Variants in CHST8 observed in about 807,000 individuals in gnomAD.
The protein encoded by CHST8 is GALNAC-4-ST1.
CHST8 carries 10 observed loss-of-function variants against 15.0 expected under a neutral mutation model. The ratio of observed to expected loss-of-function variants is 0.67; its 90% CI spans 0.41 to 1.13. The LOEUF (loss-of-function observed/expected upper bound fraction) is 1.13. Ranked by LOEUF, CHST8 falls within the 50% of genes most tolerant of loss-of-function variation. CHST8 has a pLI of 0.00. For synonymous variants in CHST8, 259 were observed against 256.6 expected (o/e 1.01, Z -0.09); for missense variants, 634 against 608.2 (o/e 1.04, Z -0.45).
At chr19:33,623,650 C>T (rs1034532096) in intron 1 of CHST8, among the ~76,000 whole-genome samples, 3 of 152,184 alleles carry the variant, frequency 2.0e-5, no homozygotes, top group African/African-American at 7.2e-5. Flanking sequence ...GAAGTCTTTC[C>T]CTAAGTCCTG....
At chr19:33,653,117 T>G (rs543143659) in intron 1 of CHST8, among the ~76,000 whole-genome samples, 4 of 152,314 alleles carry the variant, frequency 2.6e-5, no homozygotes, top group East Asian at 1.9e-4. Context: ...CTACTCTTTT[T>G]TGTGTGTGTG....
intron 3 of CHST8, among the ~76,000 whole-genome samples, chr19:33,722,319 A>G (rs1364085847): frequency 2.0e-5 from 3 of 146,948 alleles, no homozygotes; most frequent in South Asian, 4.5e-4. Flanking sequence ...GGGTGGGTGC[A>G]TGGGCAGATG....
At chr19:33,766,888 C>T (rs926347368) in intron 3 of CHST8, among the ~76,000 whole-genome samples, 7 of 152,238 alleles carry the variant, frequency 4.6e-5, no homozygotes, top group African/African-American at 1.2e-4. Context: ...CACATGGAAA[C>T]GCGGCCACAC....
intron 1 of CHST8, among the ~76,000 whole-genome samples, chr19:33,643,495 G>A (rs1262504593): frequency 6.6e-6 from 1 of 152,174 alleles, no homozygotes; most frequent in African/African-American, 2.4e-5. Context: ...CTGCAGTTCT[G>A]CCTCCATATT....
At chr19:33,699,997 C>G (rs893576699) in intron 3 of CHST8, among the ~76,000 whole-genome samples, 2 of 152,236 alleles carry the variant, frequency 1.3e-5, no homozygotes, top group Non-Finnish European at 2.9e-5. Context: ...CCTACCTGCT[C>G]TCTCTGAGCA....
At chr19:33,684,013 T>C (rs1464903534) in intron 2 of CHST8, among the ~76,000 whole-genome samples, 1 of 152,152 alleles carries the variant, frequency 6.6e-6, no homozygotes, top group East Asian at 1.9e-4. Flanking sequence ...TGGGCAGAGA[T>C]AGTGTCCAGG....
At chr19:33,673,609 G>A (rs536637667) in intron 2 of CHST8, among the ~76,000 whole-genome samples, 2 of 152,200 alleles carry the variant, frequency 1.3e-5, no homozygotes, top group East Asian at 1.9e-4. Flanking sequence ...TGTGGAAGGG[G>A]TTGAAGGGTC....
At chr19:33,740,513 C>T (rs187665287) in intron 3 of CHST8, among the ~76,000 whole-genome samples, 26 of 152,306 alleles carry the variant, frequency 1.7e-4, no homozygotes, top group Admixed American at 1.7e-3. Flanking sequence ...CAATAGCTTT[C>T]CCAGGGAAAG....
At chr19:33,714,319 C>T (rs1599576836) in intron 3 of CHST8, among the ~76,000 whole-genome samples, 1 of 150,632 alleles carries the variant, frequency 6.6e-6, no homozygotes, top group African/African-American at 2.5e-5. Flanking sequence ...ACTATGCAGC[C>T]ATAAAAAAAG....
chr19:33,708,649 T>G (rs1973490286), intron 3 of CHST8, among the ~76,000 whole-genome samples: 1 of 152,240 alleles, frequency 6.6e-6, no homozygotes, highest in Non-Finnish European at 1.5e-5. Context: ...AGTTGTGAAA[T>G]CAGGAAGTGT....
At chr19:33,690,647 T>A (rs565029536) in intron 3 of CHST8, among the ~76,000 whole-genome samples, 1 of 152,148 alleles carries the variant, frequency 6.6e-6, no homozygotes, top group Non-Finnish European at 1.5e-5. Context: ...GACTCACGCC[T>A]GTGCCGGGCC....
In CHST8 at chr19:33,765,513, T is replaced by TTGTGTGTGTG. The variant is rs61673440; in HGVS notation, c.131-5868_131-5859dup. Among the ~76,000 whole-genome samples the TTGTGTGTGTG allele has an allele frequency of 2.7e-3, 360 of 131,652 alleles. 4 individuals carry two copies. The highest frequency in any genetic ancestry group is 9.2e-3 in the African/African-American group (308 of 33,656). The allele number at this position is 131,652 out of a possible 152,430, so 86.4% of individuals were successfully genotyped here. A position where few individuals can be genotyped will look rare whatever the true frequency, so the allele number is the denominator to read the frequency against. ...ACAGGGTTTAGACAAATGCCAGTCT[T>TTGTGTGTGTG]TGTGTGTGTGTGTGTGTGTGTGTGT... On this transcript the variant is annotated intron_variant, in intron 3 of 4. Coordinates refer to ENST00000650847, the MANE Select transcript of CHST8 (RefSeq NM_001127895.2).
intron 3 of CHST8, among the ~76,000 whole-genome samples, chr19:33,729,943 G>GA (rs1189755048): frequency 6.6e-6 from 1 of 152,188 alleles, no homozygotes; most frequent in African/African-American, 2.4e-5. Flanking sequence ...CAGTCTGAAA[G>GA]AAAAACATCG....
intron 3 of CHST8, among the ~76,000 whole-genome samples, chr19:33,761,143 C>T (rs529928693): frequency 2.0e-5 from 3 of 152,292 alleles, no homozygotes; most frequent in South Asian, 2.1e-4. Context: ...CCACGCAGTT[C>T]GTTCTTTCCC....
chr19:33,746,897 G>A (rs1207366810), intron 3 of CHST8, among the ~76,000 whole-genome samples: 9 of 151,970 alleles, frequency 5.9e-5, no homozygotes, highest in Admixed American at 2.0e-4. Context: ...ACTTGAGTTA[G>A]CATCCTGCCA....
intron 3 of CHST8, among the ~76,000 whole-genome samples, chr19:33,755,134 C>T (rs1481004338): frequency 4.6e-5 from 7 of 152,188 alleles, no homozygotes; most frequent in African/African-American, 1.2e-4. Flanking sequence ...TGTGGACTTC[C>T]GGATTTCCAA....
chr19:33,708,524 A>G (rs1247991964), intron 3 of CHST8, among the ~76,000 whole-genome samples: 1 of 152,248 alleles, frequency 6.6e-6, no homozygotes, highest in African/African-American at 2.4e-5. Context: ...TTGGTCAAAA[A>G]TAAATTGACC....
intron 3 of CHST8, among the ~76,000 whole-genome samples, chr19:33,733,768 A>T (rs1974034569): frequency 6.6e-6 from 1 of 152,222 alleles, no homozygotes; most frequent in Non-Finnish European, 1.5e-5. Context: ...GCTCCGAAAG[A>T]ACATGCAACA....
intron 3 of CHST8, among the ~76,000 whole-genome samples, chr19:33,693,995 C>T (rs995618495): frequency 5.4e-5 from 8 of 149,028 alleles, no homozygotes; most frequent in East Asian, 2.0e-4. Flanking sequence ...TTGTCAGTGA[C>T]CCATGAAGCC....
Sources: allele counts gnomAD v4.1 joint callset (sites outside exome capture counted in the v4.1 genomes callset), GRCh38; gene constraint gnomAD v4.1.1; transcripts MANE v1.5; gene names NCBI Gene and HGNC (gene_info 2026-07-23, HGNC 2026-07-21).